The following IL1R1 variants were observed in gnomAD, a reference collection of about 807,000 sequenced individuals.
IL1R1 encodes the protein interleukin 1 receptor type 1, also known as interleukin-1 receptor type 1.
A neutral mutation model predicts 50.2 loss-of-function variants in IL1R1; 22 were observed. That is an observed-to-expected ratio of 0.44 (90% confidence interval 0.31 to 0.63). The LOEUF is 0.63. IL1R1 is among the 20% of genes least tolerant of loss of function. The probability of loss-of-function intolerance (pLI) is 0.07; values close to 1 mark genes in which losing one functional copy is unlikely to be tolerated. For missense variants in IL1R1, 509 were observed against 676.2 expected, an observed-to-expected ratio of 0.75 and a Z score of 2.74; for synonymous variants, 251 against 236.7, an observed-to-expected ratio of 1.06 and a Z score of -0.55.
intron 10 of IL1R1, among the ~76,000 whole-genome samples, chr2:102,175,121 GAA>G (rs35411886): frequency 1.5e-4 from 20 of 134,050 alleles, no homozygotes; most frequent in African/African-American, 5.0e-4. Flanking sequence ...TAAACTTTGC[GAA>G]AAAAAAAAAA....
At chr2:102,116,664 A>G (rs922890210) in intron 1 of IL1R1, among the ~76,000 whole-genome samples, 4 of 152,208 alleles carry the variant, frequency 2.6e-5, no homozygotes. Context: ...GGTGGTTTGT[A>G]CTGTGTTAGC....
chr2:102,130,150 G>A (rs981656796), intron 1 of IL1R1, among the ~76,000 whole-genome samples: 23 of 152,236 alleles, frequency 1.5e-4, no homozygotes, highest in Admixed American at 2.6e-4. Flanking sequence ...TGCATCATGC[G>A]GTCTCTGGAA....
intron 1 of IL1R1, among the ~76,000 whole-genome samples, chr2:102,152,788 A>G (rs1683808614): frequency 1.3e-5 from 2 of 152,072 alleles, no homozygotes; most frequent in Admixed American, 6.6e-5. Context: ...TGTGATTCCA[A>G]TTGATGGGCC....
At chr2:102,118,565 G>A (rs1681221618) in intron 1 of IL1R1, among the ~76,000 whole-genome samples, 3 of 152,136 alleles carry the variant, frequency 2.0e-5, no homozygotes, top group African/African-American at 7.2e-5. Context: ...AGTCTTGTGG[G>A]ACTGAACCCT....
At chr2:102,106,341 A>G (rs907495753) in intron 1 of IL1R1, among the ~76,000 whole-genome samples, 2 of 152,168 alleles carry the variant, frequency 1.3e-5, no homozygotes, top group African/African-American at 4.8e-5. Context: ...AGTTGTCCAG[A>G]AAGAGCCAAG....
intron 1 of IL1R1, among the ~76,000 whole-genome samples, chr2:102,087,479 A>G (rs986998896): frequency 6.6e-6 from 1 of 152,206 alleles, no homozygotes; most frequent in Admixed American, 6.5e-5. Flanking sequence ...GGTAATATTC[A>G]TAATCCTTTT....
intron 1 of IL1R1, among the ~76,000 whole-genome samples, chr2:102,150,288 C>T (rs954261733): frequency 3.3e-5 from 5 of 152,084 alleles, no homozygotes; most frequent in South Asian, 2.1e-4. Context: ...TTTTCCCGTG[C>T]GTGCACTGGG....
intron 1 of IL1R1, among the ~76,000 whole-genome samples, chr2:102,107,104 C>A (rs1050967907): frequency 1.3e-5 from 2 of 152,122 alleles, no homozygotes; most frequent in African/African-American, 4.8e-5. Flanking sequence ...AATTTATGTG[C>A]CCACCAGCAC....
Position 102,174,625 on chromosome 2 carries a change from A to T in IL1R1, c.1030A>T (p.Thr344Ser). The T allele has an allele frequency of 6.2e-7, 1 of 1,610,180 alleles. No individual in the cohort carries two copies. Among genetic ancestry groups the T allele is most frequent in the Non-Finnish European group, 8.5e-7 (1 of 1,178,494 alleles). Residue 344 changes from threonine to serine, a missense_variant, in exon 10 of 12, where the codon ACG (threonine) becomes TCG (serine). Physicochemically the swap from Thr to Ser is moderately conservative, Grantham distance 58 (BLOSUM62 1). Coordinates refer to ENST00000410023, the MANE Select transcript of IL1R1 (RefSeq NM_000877.4). ...FQKHMIGICVTLTVIIVCSVF... is the reference protein window; with the variant it reads ...FQKHMIGICVSLTVIIVCSVF... ...GAAGCACATGATTGGTATATGTGTC[A>T]CGTTGACAGTCATAATTGTGTGTTC...
chr2:102,121,542 G>C (rs1341189151), intron 1 of IL1R1, among the ~76,000 whole-genome samples: 1 of 152,058 alleles, frequency 6.6e-6, no homozygotes, highest in Non-Finnish European at 1.5e-5. Flanking sequence ...CTTCCCTCTA[G>C]CTCTACAGGA....
At chr2:102,175,445 T>C (rs751679557) in intron 10 of IL1R1, 33 bp from the exon 11 acceptor site, 5 of 1,559,976 alleles carry the variant, frequency 3.2e-6, no homozygotes, top group Non-Finnish European at 4.4e-6. Context: ...ATTTTTGCCT[T>C]GTGGTTCTAA....
At chr2:102,166,030 G>GA in intron 5 of IL1R1, 83 bp from the exon 6 acceptor site, 2 of 1,207,124 alleles carry the variant, frequency 1.7e-6, no homozygotes, top group South Asian at 1.5e-5. Context: ...TTGCTAAGGT[G>GA]AAAAAAATGG....
At chr2:102,102,624 C>A (rs541655711), upstream of IL1R1, among the ~76,000 whole-genome samples, 23 of 152,120 alleles carry the variant, frequency 1.5e-4, no homozygotes, top group Non-Finnish European at 3.1e-4. Flanking sequence ...ACTTAAAACA[C>A]AACTACCATT....
intron 1 of IL1R1, among the ~76,000 whole-genome samples, chr2:102,080,434 C>G (rs1577795620): frequency 6.6e-6 from 1 of 152,120 alleles, no homozygotes; most frequent in African/African-American, 2.4e-5. Flanking sequence ...GGACATTTCG[C>G]TGAAGAAGAT....
At chr2:102,120,215 G>A (rs1445810606) in intron 1 of IL1R1, among the ~76,000 whole-genome samples, 1 of 152,180 alleles carries the variant, frequency 6.6e-6, no homozygotes, top group Non-Finnish European at 1.5e-5. Flanking sequence ...GTGTTTGAGT[G>A]TGTGGGTGTT....
chr2:102,087,314 C>T (rs539361700), intron 1 of IL1R1, among the ~76,000 whole-genome samples: 4 of 152,252 alleles, frequency 2.6e-5, no homozygotes, highest in Admixed American at 2.6e-4. Flanking sequence ...AATAAGACAA[C>T]AATTAACCAT....
At chr2:102,083,814 G>C (rs930732047) in intron 1 of IL1R1, among the ~76,000 whole-genome samples, 4 of 151,858 alleles carry the variant, frequency 2.6e-5, no homozygotes. Context: ...CATGGTGATG[G>C]GCGCCTGTAA....
At chr2:102,124,663 A>G (rs1002379468) in intron 1 of IL1R1, among the ~76,000 whole-genome samples, 2 of 152,038 alleles carry the variant, frequency 1.3e-5, no homozygotes, top group Non-Finnish European at 2.9e-5. Context: ...CATGCCTGTA[A>G]TCCCAGCACT....
upstream of IL1R1, among the ~76,000 whole-genome samples, chr2:102,103,774 A>C (rs1247592828): frequency 1.3e-5 from 2 of 151,996 alleles, no homozygotes; most frequent in African/African-American, 2.4e-5. Flanking sequence ...GGGGTGGATC[A>C]TCTGAGTTCA....
Sources: gnomAD v4.1 joint callset for allele counts (sites outside exome capture counted in the v4.1 genomes callset) on GRCh38, gnomAD v4.1.1 for gene constraint, MANE v1.5 for transcripts, NCBI Gene and HGNC (gene_info 2026-07-23, HGNC 2026-07-21) for gene names.